Variants in CFAP77 observed in about 807,000 individuals in gnomAD.
CFAP77 encodes the protein cilia- and flagella-associated protein 77.
A neutral mutation model predicts 31.1 loss-of-function variants in CFAP77; 25 were observed. The observed-to-expected ratio is 0.80, with a 90% CI of 0.59 to 1.12. The LOEUF is 1.12. Ranked by LOEUF, CFAP77 falls within the 50% of genes most tolerant of loss-of-function variation. The pLI is 0.00. For synonymous variants in CFAP77, 151 were observed against 159.9 expected, an observed-to-expected ratio of 0.94 and a Z score of 0.42; for missense variants, 377 against 397.3, an observed-to-expected ratio of 0.95 and a Z score of 0.44.
chr9:132,412,495 G>A (rs1472990104), intron 1 of CFAP77, among the ~76,000 whole-genome samples: 2 of 152,154 alleles, frequency 1.3e-5, no homozygotes, highest in Non-Finnish European at 2.9e-5. Context: ...ATAAAAGTTG[G>A]CAGAGAAATT....
chr9:132,481,918 G>C lies in CFAP77; in HGVS notation c.196-16777G>C, dbSNP rs1851451261. ...ATCAAAACAAAAGTCACTGGAGCGG[G>C]CGTTTTCATCTGTTCTCAGGAAGGA... On this transcript the variant is annotated intron_variant, in intron 1 of 5. Coordinates refer to ENST00000393216, the MANE Select transcript of CFAP77 (RefSeq NM_001282957.2). This position sits in a 1 kb window ranked among gnomAD's most constrained non-coding sequence, Gnocchi z 5.0. 6.6e-6 allele frequency among the ~76,000 whole-genome samples: 1 copy of C among 150,702 alleles called. No individual in the cohort carries two copies. Among genetic ancestry groups the C allele is most frequent in the Non-Finnish European group, 1.5e-5 (1 of 67,788 alleles).
At chr9:132,463,496 C>T (rs1200714785) in intron 1 of CFAP77, among the ~76,000 whole-genome samples, 2 of 152,166 alleles carry the variant, frequency 1.3e-5, no homozygotes, top group African/African-American at 2.4e-5. Flanking sequence ...CCCTGGGCCA[C>T]CCCCACCTGG....
intron 1 of CFAP77, among the ~76,000 whole-genome samples, chr9:132,456,432 G>A (rs1279625359): frequency 6.6e-6 from 1 of 152,164 alleles, no homozygotes; most frequent in Non-Finnish European, 1.5e-5. Context: ...TTGGTATGGC[G>A]CCAGGCATGC....
chr9:132,442,566 C>G (rs1850630159), intron 1 of CFAP77, among the ~76,000 whole-genome samples: 1 of 152,010 alleles, frequency 6.6e-6, no homozygotes, highest in African/African-American at 2.4e-5. Flanking sequence ...AAAGAAATCT[C>G]TGTGTTATAA....
Position 132,482,966 on chromosome 9 carries a change from A to ATTATTAT in CFAP77, c.196-15729_196-15728insTTATTAT, listed in dbSNP as rs1263210733. 7.9e-3 allele frequency among the ~76,000 whole-genome samples: 1,197 copies of ATTATTAT among 151,386 alleles called. 12 individuals are homozygous for ATTATTAT. Among genetic ancestry groups the ATTATTAT allele is most frequent in the Middle Eastern group, 0.041 (12 of 290 alleles). ...TTAAAGTATAATAATAATTTAAAAA[A>ATTATTAT]AAAAAAAAGAACGCACCCTTCCAGG... On this transcript the variant is annotated intron_variant, in intron 1 of 5. Transcript: ENST00000393216.
intron 3 of CFAP77, among the ~76,000 whole-genome samples, chr9:132,536,444 A>G (rs1852546459): frequency 7.6e-6 from 1 of 131,698 alleles, no homozygotes; most frequent in Admixed American, 9.2e-5. Context: ...CCCAGGCTGG[A>G]GTGCAGTGAC....
In CFAP77 at chr9:132,505,864, G is replaced by T. The variant is rs141369831; in HGVS notation, c.524+6264G>T. On this transcript the variant is annotated intron_variant, in intron 3 of 5. Coordinates refer to ENST00000393216, the MANE Select transcript of CFAP77 (RefSeq NM_001282957.2). The stretch of plus-strand genomic sequence containing the variant: ...TTGGAACCCCTGGTGTAGACGGATT[G>T]TCTCGATCCCTCAGCTAACGGCAGC... 1.1e-4 allele frequency among the ~76,000 whole-genome samples: 17 copies of T among 152,146 alleles called. No homozygotes were observed. In the East Asian group the frequency reaches 3.3e-3, roughly 29 times the overall value.
At chr9:132,417,840 A>G (rs1447884204) in intron 1 of CFAP77, among the ~76,000 whole-genome samples, 1 of 152,216 alleles carries the variant, frequency 6.6e-6, no homozygotes, top group East Asian at 1.9e-4. Context: ...GTCTGAACTT[A>G]TAAAGAAACA....
At chr9:132,555,285 T>C (rs927495798) in intron 5 of CFAP77, among the ~76,000 whole-genome samples, 1 of 152,084 alleles carries the variant, frequency 6.6e-6, no homozygotes, top group African/African-American at 2.4e-5. Flanking sequence ...ATTATTCCAA[T>C]AAGATAAAAG....
Position 132,518,875 on chromosome 9 carries a change from G to A in CFAP77, c.525-18726G>A, listed in dbSNP as rs554284130. On this transcript the variant is annotated intron_variant, in intron 3 of 5. Coordinates refer to ENST00000393216, the MANE Select transcript of CFAP77 (RefSeq NM_001282957.2). ...GCATTGGCCCTTGGCACTGCAGGGC[G>A]ATAGGGCTGCAGCGTGGCTACCCCC... is the stretch of plus-strand genomic sequence containing the variant. 1.1e-4 allele frequency among the ~76,000 whole-genome samples: 16 copies of A among 152,368 alleles called. No individual in the cohort carries two copies. The South Asian group carries it at 2.3e-3, about 22-fold the overall frequency.
At chr9:132,434,139 G>A (rs1036366158) in intron 1 of CFAP77, among the ~76,000 whole-genome samples, 9 of 151,340 alleles carry the variant, frequency 5.9e-5, no homozygotes, top group South Asian at 2.1e-4. Context: ...ACCCTATCTC[G>A]AAAAAATAAA....
chr9:132,416,954 T>C (rs946580532), intron 1 of CFAP77, among the ~76,000 whole-genome samples: 3 of 152,042 alleles, frequency 2.0e-5, no homozygotes, highest in Non-Finnish European at 2.9e-5. Flanking sequence ...TGTATTAGTT[T>C]TTTTTAATGC....
intron 1 of CFAP77, among the ~76,000 whole-genome samples, chr9:132,467,883 CT>C (rs1359131424): frequency 2.6e-5 from 4 of 151,766 alleles, no homozygotes. Context: ...TGGTTTTTTT[CT>C]TTTTTTTAGT....
Position 132,466,023 on chromosome 9 carries a change from G to T in CFAP77, c.196-32672G>T, listed in dbSNP as rs76246622. Among the ~76,000 whole-genome samples, 1,490 of 152,300 alleles carry T rather than the reference G, an allele frequency of 9.8e-3. 11 individuals carry two copies. The highest frequency in any genetic ancestry group is 0.017 in the Non-Finnish European group (1,156 of 68,018). The stretch of plus-strand genomic sequence containing the variant: ...CCATTTGAACTTGAAAATCCATGGC[G>T]GGGGAGCTTAAGCTATGTCACAGAG... On this transcript the variant is annotated intron_variant, in intron 1 of 5. Transcript: ENST00000393216.
chr9:132,424,827 C>T lies in CFAP77; in HGVS notation c.195+14361C>T, dbSNP rs955633825. 9.9e-5 allele frequency among the ~76,000 whole-genome samples: 15 copies of T among 152,210 alleles called. No individual in the cohort carries two copies. The highest frequency in any genetic ancestry group is 1.6e-4 in the Non-Finnish European group (11 of 68,032). Reference sequence around the variant, plus strand: ...AAACCTCCATCAAGGCTGAGCAGAGCGGCCTCCCCCTTTTCAAAGGAAAGG... The same window carrying T: ...AAACCTCCATCAAGGCTGAGCAGAGTGGCCTCCCCCTTTTCAAAGGAAAGG... On this transcript the variant is annotated intron_variant, in intron 1 of 5. Coordinates refer to ENST00000393216, the MANE Select transcript of CFAP77 (RefSeq NM_001282957.2). The surrounding 1 kb of genome is among the most constrained non-coding windows in gnomAD (Gnocchi z 4.1).
intron 1 of CFAP77, among the ~76,000 whole-genome samples, chr9:132,468,189 C>CA (rs1335954953): frequency 6.6e-6 from 1 of 151,932 alleles, no homozygotes; most frequent in Non-Finnish European, 1.5e-5. Flanking sequence ...CTAAAAAATA[C>CA]AAAAAAATTA....
intron 5 of CFAP77, among the ~76,000 whole-genome samples, chr9:132,544,966 C>T (rs1564247734): frequency 6.6e-6 from 1 of 152,050 alleles, no homozygotes; most frequent in Non-Finnish European, 1.5e-5. Flanking sequence ...GAGCCCAAGA[C>T]CATGGACACA....
intron 1 of CFAP77, among the ~76,000 whole-genome samples, chr9:132,470,348 C>T (rs1180220437): frequency 1.3e-5 from 2 of 152,128 alleles, no homozygotes; most frequent in Non-Finnish European, 2.9e-5. Context: ...CAGCAGGTTG[C>T]GCCTTAGTAG....
intron 5 of CFAP77, among the ~76,000 whole-genome samples, chr9:132,557,186 A>G (rs1852919040): frequency 6.6e-6 from 1 of 152,160 alleles, no homozygotes; most frequent in Non-Finnish European, 1.5e-5. Flanking sequence ...CAAGGTGCAG[A>G]CGGGAAACGG....
Sources: allele counts gnomAD v4.1 joint callset (sites outside exome capture counted in the v4.1 genomes callset), GRCh38; gene constraint gnomAD v4.1.1; non-coding constraint Gnocchi (gnomAD v3.1); transcripts MANE v1.5; gene names NCBI Gene and HGNC (gene_info 2026-07-23, HGNC 2026-07-21).